AIG1: variants seen among roughly 807,000 people sequenced by gnomAD.
AIG1 encodes androgen induced 1, also known as androgen-induced gene 1 protein.
In AIG1, 23 loss-of-function variants were observed where a neutral mutation model predicts 31.4. The ratio of observed to expected loss-of-function variants is 0.73; its 90% CI spans 0.53 to 1.04. AIG1 has a LOEUF of 1.04. AIG1 is among the 50% of genes least tolerant of loss of function. AIG1 has a pLI of 0.00. For synonymous variants in AIG1, 100 were observed against 110.5 expected, an observed-to-expected ratio of 0.90 and a Z score of 0.60; for missense variants, 274 against 295.0, an observed-to-expected ratio of 0.93 and a Z score of 0.52.
At position 143,288,704 on chromosome 6, in the gene AIG1, G is replaced by A. The variant is rs1797857386; in HGVS notation, c.515+4479G>A. ...AGAGGTTTATTCTGAGGCAATACGA[G>A]TGACCATGGCCCAGGAAACAGTCTC... On this transcript the variant is annotated intron_variant, in intron 4 of 5. Coordinates refer to ENST00000357847, the MANE Select transcript of AIG1 (RefSeq NM_016108.4). This position sits in a 1 kb window ranked among gnomAD's most constrained non-coding sequence, Gnocchi z 4.4. Among the ~76,000 whole-genome samples the A allele has an allele frequency of 6.6e-6, 1 of 152,170 alleles. No individual in the cohort carries two copies. The highest frequency in any genetic ancestry group is 2.4e-5 in the African/African-American group (1 of 41,416).
At position 143,327,353 on chromosome 6, in the gene AIG1, A is replaced by G. The variant is rs536006963; in HGVS notation, c.516-5929A>G. 2 of 261,232 alleles carry G rather than the reference A, an allele frequency of 7.7e-6. No homozygotes were observed. Among genetic ancestry groups the G allele is most frequent in the East Asian group, 1.1e-4 (1 of 9,030 alleles). 16.2% of individuals were successfully genotyped at this position (261,232 alleles called of 1,614,324 possible). A position where few individuals can be genotyped will look rare whatever the true frequency, so the allele number is the denominator to read the frequency against. ...AAGGTGGTGACCTCGTTGATGATACACCATCAACATTCACAAGCGCGTCCA... is the reference window on the plus strand; with the variant it reads ...AAGGTGGTGACCTCGTTGATGATACGCCATCAACATTCACAAGCGCGTCCA... On this transcript the variant is annotated intron_variant, in intron 4 of 5. Transcript: ENST00000357847. The surrounding 1 kb of genome is among the most constrained non-coding windows in gnomAD (Gnocchi z 5.3).
intron 3 of AIG1, among the ~76,000 whole-genome samples, chr6:143,230,391 A>G (rs1221993816): frequency 6.7e-6 from 1 of 150,214 alleles, no homozygotes; most frequent in Non-Finnish European, 1.5e-5. Context: ...ATATTATCAT[A>G]TTAGTATAAT....
At chr6:143,222,447 G>A in intron 3 of AIG1, among the ~76,000 whole-genome samples, 1 of 152,126 alleles carries the variant, frequency 6.6e-6, no homozygotes, top group East Asian at 1.9e-4. Flanking sequence ...TATTGCAAGG[G>A]AAGTAGTGTG....
At chr6:143,295,137 T>A (rs1425085363) in intron 4 of AIG1, among the ~76,000 whole-genome samples, 3 of 152,114 alleles carry the variant, frequency 2.0e-5, no homozygotes, top group Non-Finnish European at 4.4e-5. Context: ...CTATGAGACA[T>A]CCTCAACCCA....
At chr6:143,217,604 G>A (rs1433062590) in intron 3 of AIG1, among the ~76,000 whole-genome samples, 1 of 152,112 alleles carries the variant, frequency 6.6e-6, no homozygotes, top group Non-Finnish European at 1.5e-5. Flanking sequence ...CACCTCCCAG[G>A]TCCAATCAAT....
chr6:143,113,498 T>C (rs1781466129), intron 1 of AIG1, among the ~76,000 whole-genome samples: 1 of 150,022 alleles, frequency 6.7e-6, no homozygotes, highest in South Asian at 2.1e-4. Context: ...AGCTACTTGG[T>C]AGGCTGAGGC....
At chr6:143,267,412 A>G (rs187906793) in intron 3 of AIG1, among the ~76,000 whole-genome samples, 1 of 152,240 alleles carries the variant, frequency 6.6e-6, no homozygotes, top group African/African-American at 2.4e-5. Flanking sequence ...TAAGCTGCCT[A>G]TCCTCGTATA....
intron 4 of AIG1, among the ~76,000 whole-genome samples, chr6:143,323,593 G>A (rs982500459): frequency 2.0e-5 from 3 of 151,944 alleles, no homozygotes; most frequent in African/African-American, 7.3e-5. Context: ...TTAATTTTTT[G>A]GCTTTACCAT....
At chr6:143,245,366 G>A (rs948420241) in intron 3 of AIG1, among the ~76,000 whole-genome samples, 1 of 152,184 alleles carries the variant, frequency 6.6e-6, no homozygotes, top group Non-Finnish European at 1.5e-5. Context: ...ACAGCTTCCA[G>A]AGAAGATTTT....
At chr6:143,187,693 G>T (rs1789394218) in intron 3 of AIG1, 1 of 1,535,950 alleles carries the variant, frequency 6.5e-7, no homozygotes, top group South Asian at 1.2e-5. Context: ...GAAGCAGGCT[G>T]CCTCTCCACA....
At chr6:143,166,573 A>C (rs61285579) in intron 3 of AIG1, among the ~76,000 whole-genome samples, 132 of 152,308 alleles carry the variant, frequency 8.7e-4, no homozygotes, top group African/African-American at 3.0e-3. Flanking sequence ...TATCCCCACA[A>C]AAATGTTAAG....
chr6:143,274,614 A>G (rs1249673786), intron 3 of AIG1, among the ~76,000 whole-genome samples: 3 of 152,212 alleles, frequency 2.0e-5, no homozygotes, highest in Non-Finnish European at 4.4e-5. Flanking sequence ...TGTTTCCCAG[A>G]ACAGCAGTCC....
At chr6:143,113,324 G>T (rs949015448) in intron 1 of AIG1, among the ~76,000 whole-genome samples, 1 of 151,972 alleles carries the variant, frequency 6.6e-6, no homozygotes, top group Non-Finnish European at 1.5e-5. Context: ...AAGATTTCTG[G>T]CGGGGCGTGG....
At chr6:143,066,849 G>T (rs1776759732) in intron 1 of AIG1, among the ~76,000 whole-genome samples, 1 of 152,034 alleles carries the variant, frequency 6.6e-6, no homozygotes, top group Non-Finnish European at 1.5e-5. Context: ...GACTTTTCAA[G>T]GTAATTTATC....
At chr6:143,125,071 T>A (rs1228356777) in intron 1 of AIG1, among the ~76,000 whole-genome samples, 3 of 152,178 alleles carry the variant, frequency 2.0e-5, no homozygotes, top group African/African-American at 7.2e-5. Flanking sequence ...TCATTTAGGT[T>A]TCAGAGTTAT....
chr6:143,217,646 T>C (rs924210917), intron 3 of AIG1, among the ~76,000 whole-genome samples: 1 of 152,106 alleles, frequency 6.6e-6, no homozygotes, highest in Non-Finnish European at 1.5e-5. Flanking sequence ...GTAGCTGGGA[T>C]TACAGGCACC....
chr6:143,134,396 CTTT>C (rs61322198), intron 1 of AIG1, among the ~76,000 whole-genome samples: 6 of 111,354 alleles, frequency 5.4e-5, no homozygotes, highest in Non-Finnish European at 9.8e-5. Flanking sequence ...TCCTGGTTTC[CTTT>C]TTTTTTTTTT....
At chr6:143,241,589 G>A (rs1794245876) in intron 3 of AIG1, among the ~76,000 whole-genome samples, 1 of 152,186 alleles carries the variant, frequency 6.6e-6, no homozygotes, top group Admixed American at 6.5e-5. Flanking sequence ...CTCACTGTGT[G>A]TCAGGCACTG....
chr6:143,149,947 A>G (rs186412891), intron 2 of AIG1, among the ~76,000 whole-genome samples: 1 of 152,346 alleles, frequency 6.6e-6, no homozygotes, highest in African/African-American at 2.4e-5. Flanking sequence ...CCAAGAAGGC[A>G]TGGTTTGTAG....
Sources: allele counts gnomAD v4.1 joint callset (sites outside exome capture counted in the v4.1 genomes callset), GRCh38; gene constraint gnomAD v4.1.1; non-coding constraint Gnocchi (gnomAD v3.1); transcripts MANE v1.5; gene names NCBI Gene and HGNC (gene_info 2026-07-23, HGNC 2026-07-21).